The following GUCY2C variants were observed in gnomAD, a reference collection of about 807,000 sequenced individuals.
The protein encoded by GUCY2C is guanylate cyclase 2C, also known as guanylyl cyclase C.
GUCY2C carries 118 observed loss-of-function variants against 131.1 expected under a neutral mutation model. The observed-to-expected ratio is 0.90, with a 90% CI of 0.78 to 1.05. The LOEUF is 1.05. Among genes scored for constraint, GUCY2C ranks in the 50% least tolerant of loss-of-function variants. The pLI is 0.00. For missense variants in GUCY2C, 1,161 were observed against 1,304.4 expected (o/e 0.89, Z 1.69); for synonymous variants, 452 against 457.8 (o/e 0.99, Z 0.16).
chr12:14,678,145 G>A (rs1379107167), intron 6 of GUCY2C, among the ~76,000 whole-genome samples: 1 of 152,120 alleles, frequency 6.6e-6, no homozygotes, highest in Non-Finnish European at 1.5e-5. Context: ...TCTACTATGT[G>A]CTGAGAACTG....
chr12:14,672,291 G>A (rs1411646406), intron 9 of GUCY2C: 1 of 152,118 alleles, frequency 6.6e-6, no homozygotes, highest in Non-Finnish European at 1.5e-5. Context: ...CAGATAAGAA[G>A]CTATGCACTG....
chr12:14,629,922 A>G (rs187075080), intron 19 of GUCY2C, among the ~76,000 whole-genome samples: 5 of 152,178 alleles, frequency 3.3e-5, no homozygotes, highest in African/African-American at 1.2e-4. Flanking sequence ...ATTCCTTAGT[A>G]TAAGTATGTC....
intron 11 of GUCY2C, among the ~76,000 whole-genome samples, chr12:14,660,447 G>A (rs571918303): frequency 6.6e-6 from 1 of 152,160 alleles, no homozygotes; most frequent in Non-Finnish European, 1.5e-5. Flanking sequence ...ACTACCTGGT[G>A]ATAAGACTCT....
In GUCY2C at chr12:14,653,012, G is replaced by A. The variant is rs370320198; in HGVS notation, c.1473C>T (p.Ile491=). 44 of 1,607,716 alleles carry A rather than the reference G, an allele frequency of 2.7e-5. No individual in the cohort carries two copies. The East Asian group carries it at 5.6e-4, about 20-fold the overall frequency. ...TTGTATCTCGTCTTTTGTCATCATC[G>A]ATCTGGCACAAGAAAAGGCTAATTA... ...TNETNHVSLK[I]DDDKRRDTIQ... The change falls in exon 13 of 27, where the codon ATC becomes ATT. Residue 491 remains isoleucine, a splice_region_variant and synonymous_variant. Transcript: ENST00000261170.
chr12:14,654,246 A>G (rs1202248358), intron 12 of GUCY2C, among the ~76,000 whole-genome samples: 7 of 152,042 alleles, frequency 4.6e-5, no homozygotes, highest in South Asian at 2.1e-4. Context: ...TTGACTCTCT[A>G]TTATCTCATC....
chr12:14,672,976 T>C lies in GUCY2C; in HGVS notation c.1085-18A>G. 2.8e-6 allele frequency: 4 copies of C among 1,447,966 alleles called. No individual in the cohort carries two copies. The Middle Eastern group carries it at 5.2e-4, about 189-fold the overall frequency. The allele number at this position is 1,447,966 out of a possible 1,614,324, so 89.7% of individuals were successfully genotyped here. On this transcript the variant is annotated intron_variant, in intron 8 of 26. Coordinates refer to ENST00000261170, the MANE Select transcript of GUCY2C (RefSeq NM_004963.4). ...GTCATACCCTAGGGCAAGATCAGAG[T>C]ATGTTAGAGGCCATTCTTGATTTTT...
At chr12:14,686,128 G>A (rs1198677368) in intron 3 of GUCY2C, 33 bp downstream of exon 3, 4 of 1,313,760 alleles carry the variant, frequency 3.0e-6, no homozygotes, top group Non-Finnish European at 3.3e-6. Context: ...GCAATATCAT[G>A]TCCTGACTTC....
chr12:14,626,118 T>C (rs971252695), intron 20 of GUCY2C, among the ~76,000 whole-genome samples: 4 of 152,040 alleles, frequency 2.6e-5, no homozygotes, highest in African/African-American at 9.7e-5. Context: ...GGCGGGAGGA[T>C]CACTTGAGGT....
chr12:14,622,501 T>C (rs1322839819), intron 21 of GUCY2C, among the ~76,000 whole-genome samples: 3 of 152,222 alleles, frequency 2.0e-5, no homozygotes, highest in African/African-American at 7.2e-5. Flanking sequence ...CTCTCATACA[T>C]ATACATACTT....
chr12:14,677,020 T>C lies in GUCY2C; in HGVS notation c.831-49A>G, dbSNP rs200596785. 156 of 606,580 alleles carry C rather than the reference T, an allele frequency of 2.6e-4. 1 individual carries two copies. The South Asian group carries it at 4.0e-3, about 16-fold the overall frequency. The allele number at this position is 606,580 out of a possible 1,614,324, so 37.6% of individuals were successfully genotyped here. On this transcript the variant is annotated intron_variant, in intron 6 of 26. Transcript: ENST00000261170. ...TCATGAAAATTAGGAAAAATAGAGA[T>C]GCATCTTCTATAGTTCACACAAACT...
At position 14,653,163 on chromosome 12, in the gene GUCY2C, T is replaced by C. The variant is rs538933518; in HGVS notation, c.1471-149A>G. The C allele has an allele frequency of 2.2e-5, 16 of 724,978 alleles. No individual in the cohort carries two copies. The African/African-American group carries it at 2.8e-4, about 13-fold the overall frequency. The allele number at this position is 724,978 out of a possible 1,614,324, so 44.9% of individuals were successfully genotyped here. A position where few individuals can be genotyped will look rare whatever the true frequency, so the allele number is the denominator to read the frequency against. ...CAGGCTTCCAGAAAAACTGTTGTAA[T>C]TGACTTGCTCCCTCTCACTAATTGG... is the stretch of plus-strand genomic sequence containing the variant. On this transcript the variant is annotated intron_variant, in intron 12 of 26. Coordinates refer to ENST00000261170, the MANE Select transcript of GUCY2C (RefSeq NM_004963.4).
chr12:14,616,594 G>A, intron 25 of GUCY2C, 39 bp downstream of exon 25: 1 of 1,153,692 alleles, frequency 8.7e-7, no homozygotes, highest in Non-Finnish European at 1.3e-6. Flanking sequence ...AAGCGTGTCT[G>A]AGAGCTTTTC....
intron 15 of GUCY2C, among the ~76,000 whole-genome samples, chr12:14,651,038 A>G (rs1321473071): frequency 1.3e-5 from 2 of 152,210 alleles, no homozygotes; most frequent in Non-Finnish European, 2.9e-5. Context: ...CAGCAGCAGA[A>G]CCAAGAATGA....
At chr12:14,683,633 C>T (rs113876772) in intron 3 of GUCY2C, among the ~76,000 whole-genome samples, 7 of 152,310 alleles carry the variant, frequency 4.6e-5, no homozygotes, top group African/African-American at 1.7e-4. Context: ...TACACTTTGC[C>T]ATGCATTGCC....
chr12:14,643,781 G>T, intron 16 of GUCY2C, 75 bp from the exon 17 acceptor site: 1 of 1,396,150 alleles, frequency 7.2e-7, no homozygotes, highest in Non-Finnish European at 1.0e-6. Context: ...AGAAAAAAGT[G>T]ACATTTGGAA....
intron 19 of GUCY2C, among the ~76,000 whole-genome samples, chr12:14,630,322 T>G (rs1019583141): frequency 6.6e-6 from 1 of 151,990 alleles, no homozygotes; most frequent in African/African-American, 2.4e-5. Context: ...ATCTGCTGAC[T>G]ACCTTAGAGC....
chr12:14,650,280 G>A (rs1168907155), intron 15 of GUCY2C, among the ~76,000 whole-genome samples: 1 of 152,034 alleles, frequency 6.6e-6, no homozygotes, highest in Non-Finnish European at 1.5e-5. Context: ...ACGGAGTCTC[G>A]CTCTGTTGCC....
At chr12:14,625,698 T>TA in intron 21 of GUCY2C, 59 bp downstream of exon 21, 1 of 1,535,300 alleles carries the variant, frequency 6.5e-7, no homozygotes, top group Admixed American at 1.8e-5. Context: ...CCTATATAGA[T>TA]ACAATGAAAA....
At chr12:14,687,838 T>G in intron 2 of GUCY2C, 113 bp downstream of exon 2, 1 of 669,594 alleles carries the variant, frequency 1.5e-6, no homozygotes, top group South Asian at 1.7e-5. Flanking sequence ...CTCATTCAGC[T>G]ATGTGGCTAG....
Sources: allele counts gnomAD v4.1 joint callset (sites outside exome capture counted in the v4.1 genomes callset), GRCh38; gene constraint gnomAD v4.1.1; transcripts MANE v1.5; gene names NCBI Gene and HGNC (gene_info 2026-07-23, HGNC 2026-07-21).